The following ETF1 variants were observed in gnomAD, a reference collection of about 807,000 sequenced individuals.
ETF1 encodes the protein eukaryotic translation termination factor 1, also known as eukaryotic peptide chain release factor subunit 1.
Under a neutral mutation model 55.1 loss-of-function variants are expected in ETF1, and 4 were observed. That is an observed-to-expected ratio of 0.07 (90% CI 0.04 to 0.17). The LOEUF (loss-of-function observed/expected upper bound fraction) is 0.17, where lower values mean the gene tolerates loss of function less well. Among genes scored for constraint, ETF1 ranks in the 10% least tolerant of loss-of-function variants. The probability of loss-of-function intolerance (pLI) is 1.00; values close to 1 mark genes in which losing one functional copy is unlikely to be tolerated. For missense variants in ETF1, 142 were observed against 523.6 expected, an observed-to-expected ratio of 0.27 and a Z score of 7.11; for synonymous variants, 157 against 182.3, an observed-to-expected ratio of 0.86 and a Z score of 1.12.
chr5:138,542,995 G>C, intron 1 of ETF1, 59 bp from the exon 2 acceptor site: 1 of 1,496,106 alleles, frequency 6.7e-7, no homozygotes, highest in Non-Finnish European at 9.2e-7. Flanking sequence ...GCCGCCGCTG[G>C]GGCAGAGCGG....
At chr5:138,535,261 T>C (rs917129210) in intron 2 of ETF1, among the ~76,000 whole-genome samples, 2 of 151,992 alleles carry the variant, frequency 1.3e-5, no homozygotes, top group Non-Finnish European at 2.9e-5. Context: ...ATGTTACCTT[T>C]TTTAAAGAAG....
At chr5:138,511,430 A>G in intron 7 of ETF1, 45 bp downstream of exon 7, 1 of 1,606,256 alleles carries the variant, frequency 6.2e-7, no homozygotes, top group Non-Finnish European at 8.5e-7. Flanking sequence ...ACACACACAC[A>G]CACGAAAACA....
At chr5:138,542,552 G>A in intron 2 of ETF1, 1 of 1,226,716 alleles carries the variant, frequency 8.2e-7, no homozygotes. Context: ...TGGACTTAAG[G>A]GCCCGGGAGA....
In ETF1 at chr5:138,515,571, A is replaced by G. The variant is rs1285976445; in HGVS notation, c.403-1865T>C. 2.0e-5 allele frequency among the ~76,000 whole-genome samples: 3 copies of G among 152,266 alleles called. No individual in the cohort carries two copies. In the East Asian group the frequency reaches 5.8e-4, roughly 29 times the overall value. ...ATAGGCATATCCCTTATTAGAATAT[A>G]TAATTACCCTGATAAACAGGATATA... On this transcript the variant is annotated intron_variant, in intron 4 of 10. Coordinates refer to ENST00000360541, the MANE Select transcript of ETF1 (RefSeq NM_004730.4).
intron 8 of ETF1, 40 bp from the exon 9 acceptor site, chr5:138,510,669 C>CAT: frequency 6.2e-7 from 1 of 1,610,864 alleles, no homozygotes. Context: ...ACCTGGCTCT[C>CAT]ATATACTAAT....
At chr5:138,533,998 G>A (rs2127123335) in intron 2 of ETF1, among the ~76,000 whole-genome samples, 1 of 152,308 alleles carries the variant, frequency 6.6e-6, no homozygotes, top group South Asian at 2.1e-4. Context: ...TAGGAGGGAT[G>A]ATTCTGTTAC....
chr5:138,517,374 A>AAAAAATAAAAAAAT (rs564193055), intron 4 of ETF1, among the ~76,000 whole-genome samples, 187 bp downstream of exon 4: 10 of 136,514 alleles, frequency 7.3e-5, no homozygotes, highest in Admixed American at 3.4e-4. Flanking sequence ...CCGTCTAAAA[A>AAAAAATAAAAAAAT]AAAAATAAAA....
intron 6 of ETF1, 54 bp downstream of exon 6, chr5:138,512,710 C>T: frequency 6.8e-7 from 1 of 1,479,748 alleles, no homozygotes; most frequent in South Asian, 1.4e-5. Context: ...ACACAGAGGA[C>T]TCACCTACTC....
chr5:138,513,047 G>A (rs951844260), intron 5 of ETF1, 93 bp from the exon 6 acceptor site: 5 of 1,408,414 alleles, frequency 3.6e-6, no homozygotes, highest in Non-Finnish European at 4.6e-6. Flanking sequence ...CATCATCTAA[G>A]AAAAGGACAA....
At chr5:138,519,641 C>T (rs188307908) in intron 2 of ETF1, among the ~76,000 whole-genome samples, 152 of 149,226 alleles carry the variant, frequency 1.0e-3, no homozygotes, top group Non-Finnish European at 1.8e-3. Flanking sequence ...CCAGCCTGGG[C>T]GACAGAGCTA....
At chr5:138,541,843 G>A in intron 2 of ETF1, 1 of 335,634 alleles carries the variant, frequency 3.0e-6, no homozygotes, top group South Asian at 5.5e-5. Context: ...AAAGAAACAG[G>A]AATACCCCTG....
chr5:138,509,234 T>C (rs1764668692), intron 9 of ETF1: 20 of 947,462 alleles, frequency 2.1e-5, no homozygotes, highest in Non-Finnish European at 2.5e-5. Flanking sequence ...GAAGCTATCA[T>C]TTAAACCTAT....
At chr5:138,513,004 G>A in intron 5 of ETF1, 50 bp from the exon 6 acceptor site, 1 of 1,467,290 alleles carries the variant, frequency 6.8e-7, no homozygotes, top group Non-Finnish European at 9.0e-7. Context: ...AGAACTACAA[G>A]ATGTCTTCAA....
At chr5:138,527,748 C>T (rs944781145) in intron 2 of ETF1, among the ~76,000 whole-genome samples, 2 of 151,986 alleles carry the variant, frequency 1.3e-5, no homozygotes, top group African/African-American at 4.8e-5. Context: ...GGCCTACAAC[C>T]CTAGGGGTTT....
chr5:138,513,137 CAA>C (rs1764881399), intron 5 of ETF1, 183 bp from the exon 6 acceptor site: 1 of 985,340 alleles, frequency 1.0e-6, no homozygotes, highest in Non-Finnish European at 1.2e-6. Flanking sequence ...AAGTCTATGT[CAA>C]GAGAGGAGCT....
intron 2 of ETF1, among the ~76,000 whole-genome samples, chr5:138,532,280 T>G (rs1765733642): frequency 6.6e-6 from 1 of 152,154 alleles, no homozygotes; most frequent in Non-Finnish European, 1.5e-5. Context: ...CTTTTTGATA[T>G]GGGGTTAATA....
chr5:138,529,776 G>T, intron 2 of ETF1: 5 of 934,154 alleles, frequency 5.4e-6, no homozygotes, highest in Non-Finnish European at 6.4e-6. Flanking sequence ...TTTTAGAGAT[G>T]GGGTCTTGCT....
intron 4 of ETF1, among the ~76,000 whole-genome samples, chr5:138,516,872 C>T (rs1450421630): frequency 1.3e-5 from 2 of 152,168 alleles, no homozygotes; most frequent in Middle Eastern, 3.4e-3. Flanking sequence ...TCAGAACAGC[C>T]AAACAGTGCA....
At chr5:138,537,192 A>T (rs1765972701) in intron 2 of ETF1, among the ~76,000 whole-genome samples, 1 of 151,806 alleles carries the variant, frequency 6.6e-6, no homozygotes, top group Non-Finnish European at 1.5e-5. Context: ...TAACATATAT[A>T]CTCTGTCCTC....
Sources: allele counts gnomAD v4.1 joint callset (sites outside exome capture counted in the v4.1 genomes callset), GRCh38; gene constraint gnomAD v4.1.1; transcripts MANE v1.5; gene names NCBI Gene and HGNC (gene_info 2026-07-23, HGNC 2026-07-21).